CAGE1: variants seen among roughly 807,000 people sequenced by gnomAD.
CAGE1 encodes cancer antigen 1.
In CAGE1, 66 loss-of-function variants were observed where a neutral mutation model predicts 94.9. That is an observed-to-expected ratio of 0.70 (90% confidence interval 0.57 to 0.85). The LOEUF is 0.85. CAGE1 is among the 40% of genes least tolerant of loss of function. The pLI is 0.00. For missense variants in CAGE1, 865 were observed against 950.4 expected (o/e 0.91, Z 1.18); for synonymous variants, 319 against 321.0 (o/e 0.99, Z 0.07).
At chr6:7,345,122 T>C (rs1189616404) in intron 11 of CAGE1, among the ~76,000 whole-genome samples, 1 of 151,634 alleles carries the variant, frequency 6.6e-6, no homozygotes, top group Non-Finnish European at 1.5e-5. Context: ...GTTTGCTCTT[T>C]AGATCCATAT....
At chr6:7,358,027 G>GATATATATATATGTGT (rs1554138207) in intron 9 of CAGE1, among the ~76,000 whole-genome samples, 1 of 48,076 alleles carries the variant, frequency 2.1e-5, no homozygotes, top group South Asian at 1.1e-3. Context: ...TAAGTTTTGA[G>GATATATATATATGTGT]ATATATATAT....
intron 11 of CAGE1, among the ~76,000 whole-genome samples, chr6:7,338,057 T>C (rs1005859684): frequency 6.6e-6 from 1 of 151,972 alleles, no homozygotes; most frequent in Non-Finnish European, 1.5e-5. Context: ...TTTATCCTTA[T>C]GTAGTTTATA....
chr6:7,327,371 T>G (rs1758574230), intron 13 of CAGE1, among the ~76,000 whole-genome samples: 2 of 152,030 alleles, frequency 1.3e-5, no homozygotes, highest in Admixed American at 6.6e-5. Flanking sequence ...TCCAGGCTGG[T>G]CTCGAACTCC....
chr6:7,380,886 A>C (rs114307315), intron 3 of CAGE1, among the ~76,000 whole-genome samples: 1,964 of 152,260 alleles, frequency 0.013, 42 homozygotes, highest in African/African-American at 0.045. Context: ...GATTATAGAA[A>C]ATACATATCT....
chr6:7,376,177 C>A, intron 4 of CAGE1, among the ~76,000 whole-genome samples: 1 of 151,994 alleles, frequency 6.6e-6, no homozygotes, highest in East Asian at 1.9e-4. Flanking sequence ...ATCGCAACGT[C>A]AGGAGATTGA....
At chr6:7,354,625 A>G (rs1208408598) in intron 11 of CAGE1, among the ~76,000 whole-genome samples, 1 of 152,226 alleles carries the variant, frequency 6.6e-6, no homozygotes, top group Non-Finnish European at 1.5e-5. Context: ...CAAATTTTGC[A>G]GTGTTTCATG....
At chr6:7,329,948 C>T (rs779105284) in intron 12 of CAGE1, 60 bp from the exon 13 acceptor site, 1 of 706,240 alleles carries the variant, frequency 1.4e-6, no homozygotes, top group African/African-American at 1.9e-5. Flanking sequence ...AAATAGTGAA[C>T]ATGGTGAGCA....
chr6:7,345,311 T>C (rs1195379803), intron 11 of CAGE1, among the ~76,000 whole-genome samples: 1 of 152,146 alleles, frequency 6.6e-6, no homozygotes, highest in African/African-American at 2.4e-5. Flanking sequence ...GTTTTATTTC[T>C]GAACCAGCGA....
rs557807845 is a variant in CAGE1 at position 7,339,534 on chromosome 6, A to G, written c.2370-5444T>C. On this transcript the variant is annotated intron_variant, in intron 11 of 13. Coordinates refer to ENST00000502583, the MANE Select transcript of CAGE1 (RefSeq NM_001170692.2). This position sits in a 1 kb window ranked among gnomAD's most constrained non-coding sequence, Gnocchi z 4.7. Reference sequence around the variant, plus strand: ...TTCAGCTTAGAAGATGCCATCAGTGACAAACTTCCTCTTCTTGGAAATTTG... The same window carrying G: ...TTCAGCTTAGAAGATGCCATCAGTGGCAAACTTCCTCTTCTTGGAAATTTG... 1.5e-4 allele frequency: 115 copies of G among 789,664 alleles called. 1 individual carries two copies. The highest frequency in any genetic ancestry group is 2.5e-4 in the Non-Finnish European group (106 of 428,622). The allele number at this position is 789,664 out of a possible 1,614,324, so 48.9% of individuals were successfully genotyped here.
chr6:7,377,595 G>A (rs1356448589), intron 4 of CAGE1, among the ~76,000 whole-genome samples: 1 of 152,072 alleles, frequency 6.6e-6, no homozygotes, highest in African/African-American at 2.4e-5. Flanking sequence ...AAATTAGCCA[G>A]GTGTGGTGGC....
chr6:7,327,816 G>A (rs1758587125), intron 13 of CAGE1, among the ~76,000 whole-genome samples: 1 of 152,094 alleles, frequency 6.6e-6, no homozygotes, highest in Non-Finnish European at 1.5e-5. Flanking sequence ...TGTAACCCCA[G>A]CTACTCGGGA....
chr6:7,351,317 A>C (rs1402132928), intron 11 of CAGE1, among the ~76,000 whole-genome samples: 1 of 152,156 alleles, frequency 6.6e-6, no homozygotes, highest in Non-Finnish European at 1.5e-5. Flanking sequence ...AACAATTACC[A>C]ACAAAAAAAG....
chr6:7,326,986 A>G, intron 13 of CAGE1, 87 bp from the exon 14 acceptor site: 1 of 927,628 alleles, frequency 1.1e-6, no homozygotes, highest in Non-Finnish European at 1.8e-6. Flanking sequence ...ATTTTTTATT[A>G]CATATGGAAA....
chr6:7,360,649 A>G (rs1159277432), intron 9 of CAGE1, among the ~76,000 whole-genome samples: 1 of 152,160 alleles, frequency 6.6e-6, no homozygotes, highest in Non-Finnish European at 1.5e-5. Context: ...TACATACAAT[A>G]CAATATAAAC....
chr6:7,349,990 A>G (rs1759712683), intron 11 of CAGE1, among the ~76,000 whole-genome samples: 1 of 151,874 alleles, frequency 6.6e-6, no homozygotes, highest in Admixed American at 6.6e-5. Context: ...CTCATCAACC[A>G]ACTATCTGCT....
At chr6:7,345,252 C>T (rs1759418602) in intron 11 of CAGE1, among the ~76,000 whole-genome samples, 3 of 152,140 alleles carry the variant, frequency 2.0e-5, no homozygotes, top group Admixed American at 6.5e-5. Flanking sequence ...AGGAACAACT[C>T]CAGACACGCT....
Position 7,387,185 on chromosome 6 carries a change from A to G in CAGE1, c.-12T>C, listed in dbSNP as rs1273425976. ...TAGTCCTTGTTCATAACTGTTGAAC[A>G]ATAGAAGACTTCTTTAAAAAAAAAA... On this transcript the variant is annotated 5_prime_UTR_variant, in exon 2 of 14. Coordinates refer to ENST00000502583, the MANE Select transcript of CAGE1 (RefSeq NM_001170692.2). 2.0e-6 allele frequency: 3 copies of G among 1,536,016 alleles called. No individual in the cohort carries two copies. The highest frequency in any genetic ancestry group is 2.6e-6 in the Non-Finnish European group (3 of 1,140,238).
intron 12 of CAGE1, among the ~76,000 whole-genome samples, chr6:7,332,848 G>C (rs1005415863): frequency 6.6e-6 from 1 of 152,116 alleles, no homozygotes; most frequent in African/African-American, 2.4e-5. Flanking sequence ...TCTGCACATG[G>C]GAAAAACTCA....
intron 3 of CAGE1, 64 bp from the exon 4 acceptor site, chr6:7,379,084 A>G: frequency 1.0e-5 from 10 of 978,888 alleles, no homozygotes; most frequent in Non-Finnish European, 1.3e-5. Flanking sequence ...GGTAACAGTT[A>G]TATTTATATT....
Sources: gnomAD v4.1 joint callset for allele counts (sites outside exome capture counted in the v4.1 genomes callset) on GRCh38, gnomAD v4.1.1 for gene constraint, Gnocchi (gnomAD v3.1) non-coding constraint, MANE v1.5 for transcripts, NCBI Gene and HGNC (gene_info 2026-07-23, HGNC 2026-07-21) for gene names.